The following ANXA8 variants were observed in gnomAD, a reference collection of about 807,000 sequenced individuals.
ANXA8 encodes VAC-beta.
Under a neutral mutation model 26.8 loss-of-function variants are expected in ANXA8, and 9 were observed. That is an observed-to-expected ratio of 0.34 (90% CI 0.20 to 0.59). ANXA8 has a LOEUF of 0.59. Ranked by LOEUF, ANXA8 falls within the 20% of genes least tolerant of loss-of-function variation. The pLI is 0.84. For synonymous variants in ANXA8, 39 were observed against 94.8 expected (o/e 0.41, Z 3.42); for missense variants, 83 against 238.5 (o/e 0.35, Z 4.29).
the ANXA8 span, among the ~76,000 whole-genome samples, chr10:47,660,078 T>C: frequency 6.8e-6 from 1 of 147,324 alleles, no homozygotes; most frequent in Non-Finnish European, 1.5e-5. Context: ...TTGAATGTAA[T>C]AGTGTTGTGA....
the ANXA8 span, among the ~76,000 whole-genome samples, chr10:47,944,628 T>C: frequency 2.9e-4 from 44 of 150,580 alleles, 2 homozygotes; most frequent in African/African-American, 9.9e-4. Flanking sequence ...TGAATAAGTC[T>C]CATGAGATCT....
the ANXA8 span, chr10:47,726,758 GC>G: frequency 2.3e-6 from 2 of 870,318 alleles, no homozygotes; most frequent in Non-Finnish European, 3.9e-6. Flanking sequence ...AAAACCAAGT[GC>G]TTTTTGGAAT....
chr10:47,961,168 T>C, the ANXA8 span, among the ~76,000 whole-genome samples: 1 of 146,478 alleles, frequency 6.8e-6, no homozygotes, highest in Non-Finnish European at 1.5e-5. Context: ...ACAGCTAAAA[T>C]GTGTGGGCCT....
the ANXA8 span, among the ~76,000 whole-genome samples, chr10:47,506,817 T>C: frequency 7.1e-6 from 1 of 141,536 alleles, no homozygotes; most frequent in Middle Eastern, 3.6e-3. Flanking sequence ...GTTTTTGTAT[T>C]TTTAGTAGAG....
the ANXA8 span, among the ~76,000 whole-genome samples, chr10:47,980,508 T>C: frequency 5.3e-4 from 80 of 151,926 alleles, 1 homozygote; most frequent in Non-Finnish European, 9.4e-4. Flanking sequence ...ATAAAATTAG[T>C]AAACCTTTAG....
At chr10:47,514,124 C>T in the ANXA8 span, among the ~76,000 whole-genome samples, 14 of 141,428 alleles carry the variant, frequency 9.9e-5, 1 homozygote. Context: ...GCAGTCTATA[C>T]ATCTGACAAA....
chr10:47,689,579 A>C, the ANXA8 span: 1 of 511,344 alleles, frequency 2.0e-6, no homozygotes. Flanking sequence ...ATATCAAAAA[A>C]ATCACCTATG....
At chr10:47,967,226 G>A in the ANXA8 span, among the ~76,000 whole-genome samples, 1 of 150,512 alleles carries the variant, frequency 6.6e-6, no homozygotes, top group Non-Finnish European at 1.5e-5. Context: ...GCAACTTCTT[G>A]TAAACATTTC....
At chr10:47,486,108 TAA>T (rs1373322520), upstream of ANXA8, among the ~76,000 whole-genome samples, 19 of 144,266 alleles carry the variant, frequency 1.3e-4, no homozygotes, top group Non-Finnish European at 2.1e-4. Context: ...ACTCCGTCTT[TAA>T]AAAAAAAAAA....
At chr10:47,694,328 T>C in the ANXA8 span, among the ~76,000 whole-genome samples, 3 of 151,432 alleles carry the variant, frequency 2.0e-5, no homozygotes, top group African/African-American at 7.3e-5. Flanking sequence ...TCTACACTTT[T>C]CTGTTGTCCT....
the ANXA8 span, among the ~76,000 whole-genome samples, chr10:47,535,082 C>T: frequency 8.3e-6 from 1 of 121,132 alleles, no homozygotes; most frequent in African/African-American, 3.8e-5. Context: ...TCCAGCGATT[C>T]TCCGGACTCA....
the ANXA8 span, among the ~76,000 whole-genome samples, chr10:47,659,303 C>G: frequency 6.6e-6 from 1 of 151,806 alleles, no homozygotes; most frequent in East Asian, 1.9e-4. Context: ...TTTCTCATTC[C>G]TTAACATTTA....
the ANXA8 span, among the ~76,000 whole-genome samples, chr10:47,945,989 TG>T: frequency 7.6e-6 from 1 of 131,888 alleles, no homozygotes; most frequent in Non-Finnish European, 1.6e-5. Flanking sequence ...CTGGCTACAC[TG>T]GGGAAAACGA....
chr10:47,488,713 A>ATTTTTTTTTTT (rs1160121365), upstream of ANXA8, among the ~76,000 whole-genome samples: 10 of 62,118 alleles, frequency 1.6e-4, no homozygotes, highest in Admixed American at 5.2e-4. Flanking sequence ...TACATGTTAA[A>ATTTTTTTTTTT]TTTTTTTTTT....
the ANXA8 span, among the ~76,000 whole-genome samples, chr10:47,947,555 G>A: frequency 6.6e-6 from 1 of 150,588 alleles, no homozygotes; most frequent in African/African-American, 2.5e-5. Flanking sequence ...GGGGGGAGAT[G>A]ATTAGATCAT....
At chr10:47,975,347 G>C in the ANXA8 span, among the ~76,000 whole-genome samples, 1 of 148,856 alleles carries the variant, frequency 6.7e-6, no homozygotes, top group East Asian at 2.1e-4. Context: ...CACATGACTT[G>C]CTATCTTTGC....
chr10:47,985,501 A>G, the ANXA8 span: 1 of 97,568 alleles, frequency 1.0e-5, no homozygotes, highest in African/African-American at 3.6e-5. Flanking sequence ...AAAAAGCTAC[A>G]CACAAATACT....
At chr10:47,484,161 A>C (rs1839966697), upstream of ANXA8, 2 of 985,478 alleles carry the variant, frequency 2.0e-6, no homozygotes, top group East Asian at 5.2e-5. Flanking sequence ...CCACCCAGAC[A>C]CTGCCCAGGC....
chr10:47,501,342 C>T, the ANXA8 span, among the ~76,000 whole-genome samples: 1 of 144,086 alleles, frequency 6.9e-6, no homozygotes, highest in Non-Finnish European at 1.5e-5. Context: ...CCACTGCGCC[C>T]AGCCTAACTG....
Sources: allele counts gnomAD v4.1 joint callset (sites outside exome capture counted in the v4.1 genomes callset), GRCh38; gene constraint gnomAD v4.1.1; transcripts MANE v1.5; gene names NCBI Gene and HGNC (gene_info 2026-07-23, HGNC 2026-07-21).